Variants in RP1L1 observed in about 807,000 individuals in gnomAD.
The protein encoded by RP1L1 is RP1 like 1.
Under a neutral mutation model 15.7 loss-of-function variants are expected in RP1L1, and 27 were observed. That is an observed-to-expected ratio of 1.72 (90% CI 1.27 to 2.38). The LOEUF (loss-of-function observed/expected upper bound fraction) is 2.38. Ranked by LOEUF, RP1L1 falls within the 30% of genes most tolerant of loss-of-function variation. The pLI, the probability that RP1L1 is intolerant of heterozygous loss-of-function variation, is 0.00. For synonymous variants in RP1L1, 1,813 were observed against 1,276.7 expected (o/e 1.42, Z -8.96); for missense variants, 4,798 against 3,075.9 (o/e 1.56, Z -13.24).
In RP1L1 at chr8:10,623,144, A is replaced by C; in HGVS notation, c.58T>G (p.Ser20Ala). The change falls in exon 2 of 4, where the codon TCT becomes GCT. Residue 20 changes from serine to alanine, a missense_variant. Coordinates refer to ENST00000382483, the MANE Select transcript of RP1L1 (RefSeq NM_178857.6). The part of the protein sequence containing the change: ...APSHRECFLP[S>A]VARTPSVTKV... ...GTGACCGAGGGGGTGCGAGCCACAG[A>C]GGGCAGGAAGCACTCACGGTGGCTC... 1 of 1,603,090 alleles carries C rather than the reference A, an allele frequency of 6.2e-7. No homozygotes were observed. Among genetic ancestry groups the C allele is most frequent in the Non-Finnish European group, 8.5e-7 (1 of 1,173,834 alleles).
rs1485647406 is a variant in RP1L1 at position 10,632,486 on chromosome 8, A to AC, written c.-19-9267dup. Reference sequence around the variant, plus strand: ...TCTCCACCTAAAGTCTTGGGGAGGGACCCCCATCTCATCCCGACTTTTTCC... The same window carrying AC: ...TCTCCACCTAAAGTCTTGGGGAGGGACCCCCCATCTCATCCCGACTTTTTCC... On this transcript the variant is annotated intron_variant, in intron 1 of 3. Transcript: ENST00000382483. Among the ~76,000 whole-genome samples, 5 of 151,796 alleles carry AC rather than the reference A, an allele frequency of 3.3e-5. No individual in the cohort carries two copies. In the East Asian group the frequency reaches 9.7e-4, roughly 29 times the overall value.
At position 10,607,145 on chromosome 8, in the gene RP1L1, T is replaced by C. The variant is rs376985619; in HGVS notation, c.6953A>G (p.His2318Arg). 1.1e-5 allele frequency: 17 copies of C among 1,614,128 alleles called. No homozygotes were observed. In the African/African-American group the frequency reaches 1.6e-4, roughly 15 times the overall value. ...AGGGCTCCTTGTGTCTCCAAGTACA[T>C]GGTCATTTTCTGAGTCTTTCTGCCA... ...NCWQKDSEND[H>R]VLGDTRSPDA... The change falls in exon 4 of 4, where the codon CAT becomes CGT. Residue 2318 changes from histidine to arginine, a missense_variant. Transcript: ENST00000382483.
At chr8:10,652,931 C>A (rs1017092141) in intron 1 of RP1L1, among the ~76,000 whole-genome samples, 2 of 152,156 alleles carry the variant, frequency 1.3e-5, no homozygotes, top group Non-Finnish European at 2.9e-5. Flanking sequence ...GAGGAAGGCT[C>A]GGTCTTTGGG....
At chr8:10,640,544 T>C (rs1798391114) in intron 1 of RP1L1, among the ~76,000 whole-genome samples, 1 of 151,704 alleles carries the variant, frequency 6.6e-6, no homozygotes, top group Admixed American at 6.6e-5. Flanking sequence ...TCTCAGTTGC[T>C]CAGGAGGCTG....
At chr8:10,618,369 G>A (rs532669881) in intron 2 of RP1L1, among the ~76,000 whole-genome samples, 4 of 152,174 alleles carry the variant, frequency 2.6e-5, no homozygotes, top group Admixed American at 2.0e-4. Flanking sequence ...TTACTTGAGC[G>A]TGGTGGTAGA....
Position 10,613,098 on chromosome 8 carries a change from C to A in RP1L1, c.1000G>T (p.Glu334Ter). 6.2e-7 allele frequency: 1 copy of A among 1,613,880 alleles called. No individual in the cohort carries two copies. Among genetic ancestry groups the A allele is most frequent in the Non-Finnish European group, 8.5e-7 (1 of 1,180,038 alleles). ...EMKVRFHLVG[E>*]DTLLWSRRMG... ...CTCCGGGACCATAGGAGCGTGTCCT[C>A]GCCGACCAGGTGGAAGCGGACTTTC... is the stretch of plus-strand genomic sequence containing the variant. Residue 334 changes from glutamate to a stop codon, truncating the protein, a stop_gained, in exon 4 of 4, where the codon GAG (glutamate) becomes TAG (stop). Transcript: ENST00000382483. LOFTEE classifies it low-confidence loss of function (END_TRUNC).
intron 1 of RP1L1, among the ~76,000 whole-genome samples, chr8:10,652,578 G>A: frequency 6.6e-6 from 1 of 152,174 alleles, no homozygotes. Flanking sequence ...TAGCTAGTGA[G>A]TGGTGAAATC....
chr8:10,607,419 CT>C lies in RP1L1; in HGVS notation c.6678del (p.Gly2227AlafsTer2). 1 of 1,613,826 alleles carries C rather than the reference CT, an allele frequency of 6.2e-7. No homozygotes were observed. The highest frequency in any genetic ancestry group is 8.5e-7 in the Non-Finnish European group (1 of 1,179,910). ...EAEEEAQPEP[E>X]GVETPEAEGE... ...CCTTCAGCCTCCGGGGTCTCTACGC[CT>C]TCTGGCTCTGGCTGGGCCTCCTCTT... On this transcript the variant is annotated frameshift_variant, in exon 4 of 4. Transcript: ENST00000382483. LOFTEE classifies it low-confidence loss of function (END_TRUNC).
intron 3 of RP1L1, among the ~76,000 whole-genome samples, chr8:10,614,718 A>T (rs1460568438): frequency 7.0e-6 from 1 of 143,830 alleles, no homozygotes; most frequent in Non-Finnish European, 1.5e-5. Flanking sequence ...GGAAGGAAGG[A>T]AAAAAAAAAG....
chr8:10,613,191 G>A lies in RP1L1; in HGVS notation c.907C>T (p.Leu303=), dbSNP rs1797907948. 6.2e-7 allele frequency: 1 copy of A among 1,613,646 alleles called. No homozygotes were observed. Among genetic ancestry groups the A allele is most frequent in the Non-Finnish European group, 8.5e-7 (1 of 1,180,006 alleles). The change falls in exon 4 of 4, where the codon CTG becomes TTG. Residue 303 remains leucine (L), a synonymous_variant. Coordinates refer to ENST00000382483, the MANE Select transcript of RP1L1 (RefSeq NM_178857.6). ...TTCTTCATGTCATCGCCAGCCACCA[G>A]CGGGCCCGACTGAGCTGGCGTGTCC... ...PQDTPAQSGP[L]VAGDDMKKKV...
At chr8:10,621,842 A>G (rs1365138513) in intron 2 of RP1L1, 9 of 455,982 alleles carry the variant, frequency 2.0e-5, no homozygotes, top group African/African-American at 5.9e-5. Flanking sequence ...CAGCAGAGGT[A>G]GTAGCTTCCT....
intron 1 of RP1L1, among the ~76,000 whole-genome samples, chr8:10,644,127 T>C (rs1197713940): frequency 1.3e-5 from 2 of 152,050 alleles, no homozygotes; most frequent in Non-Finnish European, 2.9e-5. Flanking sequence ...CTCTGCCCCC[T>C]GCCATCTTAA....
Position 10,607,862 on chromosome 8 carries a change from T to G in RP1L1, c.6236A>C (p.His2079Pro). 6.3e-7 allele frequency: 1 copy of G among 1,596,768 alleles called. No homozygotes were observed. Among genetic ancestry groups the G allele is most frequent in the South Asian group, 1.1e-5 (1 of 90,326 alleles). Reference sequence around the variant, plus strand: ...GGCATCTACATCTTCTGACTCTGGGTGGGCCTCCCCTTCTGCCTCCTGGAC... The same window carrying G: ...GGCATCTACATCTTCTGACTCTGGGGGGGCCTCCCCTTCTGCCTCCTGGAC... ...GEVQEAEGEA[H>P]PESEDVDAQE... Residue 2079 changes from histidine (H) to proline (P), a missense_variant, in exon 4 of 4, where the codon CAC (histidine) becomes CCC (proline). Coordinates refer to ENST00000382483, the MANE Select transcript of RP1L1 (RefSeq NM_178857.6).
At chr8:10,618,256 T>C (rs1268860503) in intron 2 of RP1L1, among the ~76,000 whole-genome samples, 2 of 152,128 alleles carry the variant, frequency 1.3e-5, no homozygotes, top group Non-Finnish European at 2.9e-5. Flanking sequence ...TCTCAGCACT[T>C]TGGGGGGCCG....
chr8:10,611,890 G>A lies in RP1L1; in HGVS notation c.2208C>T (p.Ser736=). Residue 736 remains serine (S), a synonymous_variant, in exon 4 of 4, where the codon AGC becomes AGT. Transcript: ENST00000382483. ...SLPSQDLLGT[S]SATVTPAVHS... is the part of the protein sequence containing the mutation. ...GGACTGCAGGGGTGACAGTGGCACTGCTGGTTCCCAGAAGGTCCTGGGAAG... is the reference window on the plus strand; with the variant it reads ...GGACTGCAGGGGTGACAGTGGCACTACTGGTTCCCAGAAGGTCCTGGGAAG... 1.9e-6 allele frequency: 3 copies of A among 1,613,886 alleles called. No homozygotes were observed. Among genetic ancestry groups the A allele is most frequent in the East Asian group, 2.2e-5 (1 of 44,876 alleles).
intron 1 of RP1L1, among the ~76,000 whole-genome samples, chr8:10,643,666 C>T (rs546947170): frequency 1.3e-5 from 2 of 152,024 alleles, no homozygotes; most frequent in Non-Finnish European, 2.9e-5. Context: ...GTGGTCTTTC[C>T]TGCCTGGGAG....
chr8:10,612,621 G>C lies in RP1L1; in HGVS notation c.1477C>G (p.Arg493Gly), dbSNP rs760566692. 3.1e-6 allele frequency: 5 copies of C among 1,602,008 alleles called. No individual in the cohort carries two copies. Among genetic ancestry groups the C allele is most frequent in the African/African-American group, 1.3e-5 (1 of 74,730 alleles). Residue 493 changes from arginine to glycine, a missense_variant, in exon 4 of 4, where the codon CGG (arginine) becomes GGG (glycine). Transcript: ENST00000382483. ...TCACCCAGGCTCCCTCCAGCTTTCC[G>C]CTCAGCCCCTATCTGGGCAGAGGGG... is the stretch of plus-strand genomic sequence containing the variant. ...ASPSAQIGAE[R>G]KAGGSLGEDP...
chr8:10,623,010 G>A lies in RP1L1; in HGVS notation c.192C>T (p.Leu64=). The A allele has an allele frequency of 1.2e-6, 2 of 1,614,150 alleles. No individual in the cohort carries two copies. The highest frequency in any genetic ancestry group is 1.7e-6 in the Non-Finnish European group (2 of 1,180,032). The part of the protein sequence containing the change: ...HQRAFKTFSA[L]MDELSQRVPL... ...GCACGCGCTGGGAGAGCTCGTCCATGAGGGCGCTGAAGGTCTTAAAGGCGC... is the reference window on the plus strand; with the variant it reads ...GCACGCGCTGGGAGAGCTCGTCCATAAGGGCGCTGAAGGTCTTAAAGGCGC... Residue 64 remains leucine (L), a synonymous_variant, in exon 2 of 4, where the codon CTC becomes CTT. Transcript: ENST00000382483.
rs778411310 is a variant in RP1L1, at chr8:10,610,610, A to C, written c.3488T>G (p.Val1163Gly). 1 of 1,613,386 alleles carries C rather than the reference A, an allele frequency of 6.2e-7. No homozygotes were observed. The highest frequency in any genetic ancestry group is 8.5e-7 in the Non-Finnish European group (1 of 1,180,006). Residue 1163 changes from valine to glycine, a missense_variant, in exon 4 of 4, where the codon GTT (valine) becomes GGT (glycine). Physicochemically the swap from Val to Gly is moderately radical, Grantham distance 109. Transcript: ENST00000382483. ...ISKDLWPGCDVGEDQLDSGLW... is the reference protein window; with the variant it reads ...ISKDLWPGCDGGEDQLDSGLW... ...GCCTGAGTCCAGCTGGTCTTCCCCA[A>C]CGTCACATCCTGGCCACAGGTCCTT...
Sources: gnomAD v4.1 joint callset for allele counts (sites outside exome capture counted in the v4.1 genomes callset) on GRCh38, gnomAD v4.1.1 for gene constraint, MANE v1.5 for transcripts, NCBI Gene and HGNC (gene_info 2026-07-23, HGNC 2026-07-21) for gene names.